CDYL2: variants seen among roughly 807,000 people sequenced by gnomAD.
CDYL2 encodes chromodomain Y-like protein 2.
CDYL2 carries 23 observed loss-of-function variants against 49.4 expected under a neutral mutation model. That is an observed-to-expected ratio of 0.47 (90% CI 0.34 to 0.66). The LOEUF (loss-of-function observed/expected upper bound fraction) is 0.66, where lower values mean the gene tolerates loss of function less well. CDYL2 is among the 30% of genes least tolerant of loss of function. CDYL2 has a pLI of 0.01. For synonymous variants in CDYL2, 360 were observed against 268.8 expected (o/e 1.34, Z -3.32); for missense variants, 678 against 656.4 (o/e 1.03, Z -0.36).
intron 4 of CDYL2, 78 bp downstream of exon 4, chr16:80,620,685 A>G: frequency 1.5e-6 from 2 of 1,352,272 alleles, no homozygotes; most frequent in African/African-American, 1.5e-5. Context: ...TGAAATTCGA[A>G]TTTAACTGAG....
intron 1 of CDYL2, among the ~76,000 whole-genome samples, chr16:80,737,744 G>C (rs1164276020): frequency 1.3e-5 from 2 of 152,222 alleles, no homozygotes; most frequent in African/African-American, 2.4e-5. Flanking sequence ...TCTGGGGTAA[G>C]GCTGAGAATC....
Position 80,684,691 on chromosome 16 carries a change from C to T in CDYL2, c.463G>A (p.Gly155Arg), listed in dbSNP as rs748118826. 24 of 1,614,068 alleles carry T rather than the reference C, an allele frequency of 1.5e-5. No homozygotes were observed. The highest frequency in any genetic ancestry group is 1.2e-4 in the Admixed American group (7 of 60,002). The change falls in exon 2 of 7, where the codon GGG (glycine) becomes AGG (arginine). Residue 155 changes from glycine to arginine, a missense_variant. Gly to Arg is a moderately radical substitution (Grantham distance 125). This residue lies in a region of CDYL2 where 478 missense variants were observed against 427.0 expected (regional missense o/e 1.12). Coordinates refer to ENST00000570137, the MANE Select transcript of CDYL2 (RefSeq NM_152342.4). ...QIMPLKKSQN[G>R]MENGDAGSEK... ...GAGCCGGCGTCCCCATTTTCCATCC[C>T]GTTCTGAGACTTTTTCAGGGGCATT...
intron 1 of CDYL2, among the ~76,000 whole-genome samples, chr16:80,801,108 T>C (rs1167582764): frequency 6.6e-6 from 1 of 152,242 alleles, no homozygotes; most frequent in Admixed American, 6.5e-5. Flanking sequence ...GCCCCTATGT[T>C]TAGCCGAATA....
At chr16:80,726,361 T>A (rs879556074) in intron 1 of CDYL2, among the ~76,000 whole-genome samples, 2 of 152,192 alleles carry the variant, frequency 1.3e-5, no homozygotes, top group Non-Finnish European at 2.9e-5. Flanking sequence ...CAACAAACAA[T>A]AACTGTATAA....
intron 1 of CDYL2, among the ~76,000 whole-genome samples, chr16:80,795,569 G>A (rs1907746626): frequency 1.3e-5 from 2 of 152,270 alleles, no homozygotes; most frequent in South Asian, 2.1e-4. Context: ...TGAGGGAAGG[G>A]ACAAGAAGGG....
chr16:80,599,810 T>C lies in CDYL2; in HGVS notation c.*4578A>G, dbSNP rs1597114273. 1 of 152,192 alleles carries C rather than the reference T, an allele frequency of 6.6e-6. No homozygotes were observed. The highest frequency in any genetic ancestry group is 1.9e-4 in the East Asian group (1 of 5,200). The allele number at this position is 152,192 out of a possible 1,614,324, so 9.4% of individuals were successfully genotyped here. A position where few individuals can be genotyped will look rare whatever the true frequency, so the allele number is the denominator to read the frequency against. On this transcript the variant is annotated 3_prime_UTR_variant, in exon 7 of 7. Transcript: ENST00000570137. ...CTTCCCTATGACCGTGTCTAAACCA[T>C]GTTTACAGTATGAAGGTGTCTCTGG... is the stretch of plus-strand genomic sequence containing the variant.
At position 80,762,641 on chromosome 16, in the gene CDYL2, T is replaced by A. The variant is rs1368639032; in HGVS notation, c.24+41509A>T. On this transcript the variant is annotated intron_variant, in intron 1 of 6. Transcript: ENST00000570137. ...TACCTGCTAATTCACCTACTGTCTA[T>A]AAAGTATTTGTAACCCCAAAATTAT... is the stretch of plus-strand genomic sequence containing the variant. Among the ~76,000 whole-genome samples, 4 of 152,176 alleles carry A rather than the reference T, an allele frequency of 2.6e-5. No individual in the cohort carries two copies. In the East Asian group the frequency reaches 7.7e-4, roughly 29 times the overall value.
At chr16:80,730,125 G>C (rs1905277937) in intron 1 of CDYL2, among the ~76,000 whole-genome samples, 1 of 151,934 alleles carries the variant, frequency 6.6e-6, no homozygotes, top group Admixed American at 6.6e-5. Flanking sequence ...AGGAAATAGA[G>C]ACACAAAAAA....
intron 1 of CDYL2, among the ~76,000 whole-genome samples, chr16:80,692,046 G>C (rs1383639985): frequency 6.6e-6 from 1 of 152,070 alleles, no homozygotes; most frequent in Admixed American, 6.5e-5. Context: ...AGGAAAATGA[G>C]AATAGATACC....
At position 80,604,364 on chromosome 16, in the gene CDYL2, T is replaced by C. The variant is rs1335012654; in HGVS notation, c.*24A>G. ...CGAAACACAGGGCAGAGCTGGAAGTTGGGGGCCCGTGAGCTGGGGCCCCTC... is the reference window on the plus strand; with the variant it reads ...CGAAACACAGGGCAGAGCTGGAAGTCGGGGGCCCGTGAGCTGGGGCCCCTC... On this transcript the variant is annotated 3_prime_UTR_variant, in exon 7 of 7. Coordinates refer to ENST00000570137, the MANE Select transcript of CDYL2 (RefSeq NM_152342.4). 2 of 1,613,300 alleles carry C rather than the reference T, an allele frequency of 1.2e-6. No homozygotes were observed. Among genetic ancestry groups the C allele is most frequent in the East Asian group, 2.2e-5 (1 of 44,884 alleles).
intron 5 of CDYL2, among the ~76,000 whole-genome samples, chr16:80,609,817 T>C (rs1906515384): frequency 6.6e-6 from 1 of 152,180 alleles, no homozygotes; most frequent in African/African-American, 2.4e-5. Flanking sequence ...AGGGGGATTC[T>C]TGGGTGGAGG....
At chr16:80,728,273 C>T (rs1308993880) in intron 1 of CDYL2, among the ~76,000 whole-genome samples, 1 of 151,928 alleles carries the variant, frequency 6.6e-6, no homozygotes, top group African/African-American at 2.4e-5. Flanking sequence ...GAGCTGAAAG[C>T]CAAAGCTCGA....
At chr16:80,642,956 G>A (rs1908167751) in intron 2 of CDYL2, among the ~76,000 whole-genome samples, 1 of 152,046 alleles carries the variant, frequency 6.6e-6, no homozygotes, top group Admixed American at 6.6e-5. Flanking sequence ...AAGCAATCAT[G>A]GCTTCTGAAC....
chr16:80,705,212 C>A (rs1269629821), intron 1 of CDYL2, among the ~76,000 whole-genome samples: 7 of 152,244 alleles, frequency 4.6e-5, no homozygotes, highest in Non-Finnish European at 1.0e-4. Context: ...AGCAGGATGG[C>A]TGCTAACACC....
intron 1 of CDYL2, among the ~76,000 whole-genome samples, chr16:80,787,266 A>C (rs911693900): frequency 6.6e-6 from 1 of 152,170 alleles, no homozygotes; most frequent in Non-Finnish European, 1.5e-5. Context: ...AGGAAATGGA[A>C]CTGAGAGGTC....
chr16:80,650,836 G>C (rs140280896), intron 2 of CDYL2, among the ~76,000 whole-genome samples: 230 of 152,154 alleles, frequency 1.5e-3, no homozygotes, highest in Middle Eastern at 6.8e-3. Flanking sequence ...TGGAACTGGA[G>C]GTCATTCTGC....
At chr16:80,617,870 G>A (rs1203150054) in intron 4 of CDYL2, among the ~76,000 whole-genome samples, 3 of 152,128 alleles carry the variant, frequency 2.0e-5, no homozygotes, top group Non-Finnish European at 2.9e-5. Flanking sequence ...AGCATAGGGC[G>A]GGTGTTCTCA....
intron 1 of CDYL2, among the ~76,000 whole-genome samples, chr16:80,783,576 G>A (rs1349177555): frequency 6.6e-6 from 1 of 152,110 alleles, no homozygotes; most frequent in Non-Finnish European, 1.5e-5. Context: ...TGGAAAAGTG[G>A]AAACAACCTA....
chr16:80,627,853 C>G (rs1907371732), intron 3 of CDYL2: 1 of 152,244 alleles, frequency 6.6e-6, no homozygotes, highest in Non-Finnish European at 1.5e-5. Context: ...CCTCATTATG[C>G]ACTTCCTAGC....
Sources: gnomAD v4.1 joint callset for allele counts (sites outside exome capture counted in the v4.1 genomes callset) on GRCh38, gnomAD v4.1.1 for gene constraint, gnomAD v4.1.1 regional missense constraint, MANE v1.5 for transcripts, NCBI Gene and HGNC (gene_info 2026-07-23, HGNC 2026-07-21) for gene names.